The following SUGCT variants were observed in gnomAD, a reference collection of about 807,000 sequenced individuals.
The protein encoded by SUGCT is succinyl-CoA:glutarate CoA-transferase.
In SUGCT, 41 loss-of-function variants were observed where a neutral mutation model predicts 55.0. The observed-to-expected ratio is 0.74, with a 90% confidence interval of 0.58 to 0.97. The LOEUF (loss-of-function observed/expected upper bound fraction) is 0.97. Among genes scored for constraint, SUGCT ranks in the 50% least tolerant of loss-of-function variants. SUGCT has a pLI of 0.00. For missense variants in SUGCT, 568 were observed against 547.8 expected (o/e 1.04, Z -0.37); for synonymous variants, 187 against 200.4 (o/e 0.93, Z 0.56).
chr7:40,229,540 C>T (rs1053492652), intron 6 of SUGCT, among the ~76,000 whole-genome samples: 3 of 150,966 alleles, frequency 2.0e-5, no homozygotes, highest in Middle Eastern at 3.4e-3. Flanking sequence ...AGTCCTGGTG[C>T]GGTGGCTTAC....
At chr7:40,817,586 C>A (rs112943404) in intron 13 of SUGCT, among the ~76,000 whole-genome samples, 1 of 152,036 alleles carries the variant, frequency 6.6e-6, no homozygotes, top group Non-Finnish European at 1.5e-5. Context: ...TTGTCTTAAC[C>A]ATGTGGAATT....
intron 1 of SUGCT, among the ~76,000 whole-genome samples, chr7:40,157,000 G>C (rs1783928706): frequency 8.0e-6 from 1 of 124,284 alleles, no homozygotes; most frequent in African/African-American, 3.4e-5. Context: ...GGGTGACAGA[G>C]CAAGACTGTC....
chr7:40,573,520 T>C (rs1796564397), intron 12 of SUGCT, among the ~76,000 whole-genome samples: 1 of 150,566 alleles, frequency 6.6e-6, no homozygotes, highest in Non-Finnish European at 1.5e-5. Flanking sequence ...CATACACACA[T>C]CCATACATAC....
chr7:40,202,121 T>C (rs562247773), intron 6 of SUGCT, among the ~76,000 whole-genome samples: 3 of 152,222 alleles, frequency 2.0e-5, no homozygotes, highest in Non-Finnish European at 4.4e-5. Flanking sequence ...TACAGGTGCA[T>C]GCCACCACGC....
chr7:40,717,163 T>G (rs1024512922), intron 12 of SUGCT, among the ~76,000 whole-genome samples: 1 of 152,198 alleles, frequency 6.6e-6, no homozygotes, highest in African/African-American at 2.4e-5. Context: ...CATAGAAAGA[T>G]TAAGCTACAT....
intron 9 of SUGCT, among the ~76,000 whole-genome samples, chr7:40,327,642 C>T (rs1796084267): frequency 6.6e-6 from 1 of 152,148 alleles, no homozygotes; most frequent in South Asian, 2.1e-4. Context: ...TAGTAAATCC[C>T]TAGTTCCTTT....
chr7:40,824,767 G>C (rs1792229863), intron 13 of SUGCT, among the ~76,000 whole-genome samples: 1 of 152,188 alleles, frequency 6.6e-6, no homozygotes, highest in Admixed American at 6.5e-5. Flanking sequence ...GTGGAAAGCA[G>C]AAGGGCCAAC....
the SUGCT span, among the ~76,000 whole-genome samples, chr7:40,885,986 A>T: frequency 6.6e-6 from 1 of 152,158 alleles, no homozygotes; most frequent in Non-Finnish European, 1.5e-5. Flanking sequence ...CTTTTAAGAG[A>T]CTTTACAGAA....
At chr7:40,829,072 C>G (rs562369780) in intron 13 of SUGCT, among the ~76,000 whole-genome samples, 1 of 152,244 alleles carries the variant, frequency 6.6e-6, no homozygotes, top group Non-Finnish European at 1.5e-5. Context: ...GCCCTCACTG[C>G]TAATAAGCAT....
intron 12 of SUGCT, among the ~76,000 whole-genome samples, chr7:40,577,368 G>A (rs1417803377): frequency 6.6e-6 from 1 of 151,794 alleles, no homozygotes; most frequent in East Asian, 1.9e-4. Context: ...CTTGTAATTG[G>A]TCTCCATTAT....
chr7:40,212,174 C>T (rs892342344), intron 6 of SUGCT, among the ~76,000 whole-genome samples: 2 of 151,498 alleles, frequency 1.3e-5, no homozygotes, highest in Non-Finnish European at 2.9e-5. Context: ...AGCCTTGATC[C>T]TCTGGGCTCA....
chr7:40,570,185 A>G (rs1353601008), intron 12 of SUGCT, among the ~76,000 whole-genome samples: 2 of 152,250 alleles, frequency 1.3e-5, no homozygotes, highest in African/African-American at 2.4e-5. Context: ...TTTGGTGGAC[A>G]TATTATAAGC....
the SUGCT span, among the ~76,000 whole-genome samples, chr7:40,968,813 GA>G: frequency 6.6e-6 from 1 of 152,140 alleles, no homozygotes; most frequent in Non-Finnish European, 1.5e-5. Flanking sequence ...GGCTGTGGCT[GA>G]GCTGCTACAG....
intron 6 of SUGCT, among the ~76,000 whole-genome samples, chr7:40,209,801 AAAAC>A (rs376231858): frequency 0.017 from 2,541 of 152,104 alleles, 66 homozygotes; most frequent in African/African-American, 0.059. Context: ...ATCTCAAAAC[AAAAC>A]AAACAAACAA....
intron 13 of SUGCT, among the ~76,000 whole-genome samples, chr7:40,832,906 C>T (rs376869738): frequency 1.5e-4 from 23 of 152,120 alleles, no homozygotes; most frequent in African/African-American, 5.3e-4. Context: ...GATCTCCTGA[C>T]CTTGTGACCA....
chr7:40,168,226 AC>A (rs1431087365), intron 1 of SUGCT, among the ~76,000 whole-genome samples: 4 of 151,806 alleles, frequency 2.6e-5, no homozygotes, highest in African/African-American at 9.7e-5. Context: ...GTCTCTCAGT[AC>A]CCCCCAACAG....
In SUGCT at chr7:40,417,877, T is replaced by C. The variant is rs138635325; in HGVS notation, c.817-31410T>C. 8.5e-3 allele frequency among the ~76,000 whole-genome samples: 1,155 copies of C among 135,108 alleles called. 14 individuals carry two copies. The highest frequency in any genetic ancestry group is 0.03 in the African/African-American group (1,097 of 36,206). The allele number at this position is 135,108 out of a possible 152,430, so 88.6% of individuals were successfully genotyped here. A position where few individuals can be genotyped will look rare whatever the true frequency, so the allele number is the denominator to read the frequency against. On this transcript the variant is annotated intron_variant, in intron 9 of 13. Coordinates refer to ENST00000335693, the MANE Select transcript of SUGCT (RefSeq NM_001193313.2). ...ATTACATTTTTATTAGTTTTTGCTT[T>C]ATTTATTACACTTACATTTAATTTG...
intron 11 of SUGCT, among the ~76,000 whole-genome samples, chr7:40,459,970 C>G (rs930841809): frequency 2.0e-5 from 3 of 151,976 alleles, no homozygotes; most frequent in African/African-American, 7.3e-5. Flanking sequence ...ATCTAAATGC[C>G]CACATGAACT....
chr7:40,179,770 A>G (rs1255762155), intron 1 of SUGCT, among the ~76,000 whole-genome samples: 1 of 152,188 alleles, frequency 6.6e-6, no homozygotes, highest in Admixed American at 6.5e-5. Context: ...GCTTCTTCAC[A>G]TGAAGATGGA....
Sources: allele counts gnomAD v4.1 joint callset (sites outside exome capture counted in the v4.1 genomes callset), GRCh38; gene constraint gnomAD v4.1.1; transcripts MANE v1.5; gene names NCBI Gene and HGNC (gene_info 2026-07-23, HGNC 2026-07-21).